CTNNA3: variants seen among roughly 807,000 people sequenced by gnomAD.
The protein encoded by CTNNA3 is catenin alpha-3.
CTNNA3 carries 76 observed loss-of-function variants against 95.7 expected under a neutral mutation model. That is an observed-to-expected ratio of 0.79 (90% CI 0.66 to 0.96). CTNNA3 has a LOEUF of 0.96. Among genes scored for constraint, CTNNA3 ranks in the 40% least tolerant of loss-of-function variants. The probability of loss-of-function intolerance (pLI) is 0.00; values close to 1 mark genes in which losing one functional copy is unlikely to be tolerated. For synonymous variants in CTNNA3, 431 were observed against 374.4 expected (o/e 1.15, Z -1.74); for missense variants, 1,191 against 1,089.8 (o/e 1.09, Z -1.31).
chr10:66,628,795 G>T (rs1180289398), intron 9 of CTNNA3, among the ~76,000 whole-genome samples: 1 of 152,076 alleles, frequency 6.6e-6, no homozygotes, highest in African/African-American at 2.4e-5. Context: ...GTAGGAGATA[G>T]CAAGAGTTGA....
At chr10:67,500,024 A>G (rs1235333112) in intron 5 of CTNNA3, among the ~76,000 whole-genome samples, 1 of 151,948 alleles carries the variant, frequency 6.6e-6, no homozygotes, top group Non-Finnish European at 1.5e-5. Flanking sequence ...TTGTGACGTT[A>G]GGGTGTCAAT....
intron 5 of CTNNA3, among the ~76,000 whole-genome samples, chr10:67,253,190 A>G (rs1866177444): frequency 6.6e-6 from 1 of 152,194 alleles, no homozygotes; most frequent in African/African-American, 2.4e-5. Context: ...CAACCTGATA[A>G]CCGAGAGGGC....
At chr10:66,437,008 T>C (rs1181275555) in intron 11 of CTNNA3, among the ~76,000 whole-genome samples, 1 of 152,164 alleles carries the variant, frequency 6.6e-6, no homozygotes, top group Non-Finnish European at 1.5e-5. Flanking sequence ...GAATGTTGAA[T>C]ATCAGCCCCC....
At chr10:67,545,668 G>A (rs1369803371) in intron 3 of CTNNA3, among the ~76,000 whole-genome samples, 3 of 152,082 alleles carry the variant, frequency 2.0e-5, no homozygotes, top group East Asian at 3.8e-4. Flanking sequence ...AGGTAGCTTC[G>A]CAAGTGTCAT....
At chr10:65,973,507 G>A (rs1000749258) in intron 16 of CTNNA3, among the ~76,000 whole-genome samples, 2 of 152,076 alleles carry the variant, frequency 1.3e-5, no homozygotes, top group Admixed American at 6.6e-5. Context: ...CAAGCAAAAA[G>A]CAATCCCATT....
At chr10:66,102,175 T>C (rs1437736102) in intron 14 of CTNNA3, among the ~76,000 whole-genome samples, 1 of 152,172 alleles carries the variant, frequency 6.6e-6, no homozygotes, top group Non-Finnish European at 1.5e-5. Context: ...GTTAGGAATT[T>C]GCTTCCATCT....
In CTNNA3 at chr10:65,920,560, G is replaced by T; in HGVS notation, c.2458C>A (p.Gln820Lys). 1.2e-6 allele frequency: 2 copies of T among 1,614,112 alleles called. No individual in the cohort carries two copies. The highest frequency in any genetic ancestry group is 2.2e-5 in the South Asian group (2 of 91,078). ...GCAATGTAAGACATTTTCACTGTTT[G>T]CACTACAGCATTCATTAAATTTTTG... ...AAKNLMNAVV[Q>K]TVKMSYIAST... Residue 820 changes from glutamine (Q) to lysine (K), a missense_variant, in exon 18 of 18, where the codon CAA becomes AAA. Physicochemically the swap from Gln to Lys is moderately conservative, Grantham distance 53. Coordinates refer to ENST00000433211, the MANE Select transcript of CTNNA3 (RefSeq NM_013266.4).
chr10:66,457,932 C>G (rs2093505556), intron 11 of CTNNA3, among the ~76,000 whole-genome samples: 1 of 152,110 alleles, frequency 6.6e-6, no homozygotes, highest in Non-Finnish European at 1.5e-5. Flanking sequence ...ATGGCAGCCT[C>G]CTTGGAAGAT....
At chr10:66,370,316 A>G (rs777219917) in intron 12 of CTNNA3, among the ~76,000 whole-genome samples, 2 of 152,194 alleles carry the variant, frequency 1.3e-5, no homozygotes, top group African/African-American at 2.4e-5. Context: ...CATACATGAA[A>G]TAGATACTTG....
rs138746326 is a variant in CTNNA3, at chr10:66,083,657, T to C, written c.1978-14168A>G. Among the ~76,000 whole-genome samples, 412 of 152,342 alleles carry C rather than the reference T, an allele frequency of 2.7e-3. 6 individuals carry two copies. Among genetic ancestry groups the C allele is most frequent in the African/African-American group, 9.6e-3 (400 of 41,586 alleles). ...GCAACTAAGGTCTGGCTTATTCTTC[T>C]ACGCTAGTTATGACCCATCCTATGT... is the stretch of plus-strand genomic sequence containing the variant. On this transcript the variant is annotated intron_variant, in intron 14 of 17. Coordinates refer to ENST00000433211, the MANE Select transcript of CTNNA3 (RefSeq NM_013266.4).
chr10:66,310,866 G>C (rs932040921), intron 12 of CTNNA3, among the ~76,000 whole-genome samples: 5 of 151,724 alleles, frequency 3.3e-5, no homozygotes, highest in African/African-American at 1.2e-4. Context: ...TGTATTTTTA[G>C]TAGAGACGGG....
chr10:67,061,264 T>C (rs919254331), intron 7 of CTNNA3, among the ~76,000 whole-genome samples: 1 of 152,142 alleles, frequency 6.6e-6, no homozygotes, highest in Non-Finnish European at 1.5e-5. Flanking sequence ...CCCCAACTAT[T>C]AGCTTATTGT....
At chr10:66,073,848 T>C (rs2080492231) in intron 14 of CTNNA3, among the ~76,000 whole-genome samples, 1 of 152,092 alleles carries the variant, frequency 6.6e-6, no homozygotes, top group African/African-American at 2.4e-5. Flanking sequence ...ACCACCATTA[T>C]ATTTGTTTGA....
intron 7 of CTNNA3, among the ~76,000 whole-genome samples, chr10:66,967,635 T>C (rs891407648): frequency 3.3e-5 from 5 of 151,892 alleles, no homozygotes; most frequent in Non-Finnish European, 5.9e-5. Context: ...TTTTCCCAGA[T>C]CAAATAAAAA....
At chr10:66,033,808 G>A (rs897679552) in intron 15 of CTNNA3, among the ~76,000 whole-genome samples, 3 of 152,018 alleles carry the variant, frequency 2.0e-5, no homozygotes, top group Admixed American at 6.6e-5. Context: ...ACCTCTACAC[G>A]TCATAGAGAG....
intron 7 of CTNNA3, among the ~76,000 whole-genome samples, chr10:66,798,973 T>C (rs79903372): frequency 0.024 from 3,649 of 151,786 alleles, 194 homozygotes; most frequent in East Asian, 0.23. Flanking sequence ...ATATGTACTG[T>C]TTCTTGGTAA....
chr10:67,124,392 G>C (rs1366736735), intron 7 of CTNNA3, among the ~76,000 whole-genome samples: 22 of 148,642 alleles, frequency 1.5e-4, no homozygotes, highest in Non-Finnish European at 1.3e-4. Flanking sequence ...AATGACTGTG[G>C]AAGGTTCTAT....
chr10:66,202,022 G>C (rs1343470513), intron 13 of CTNNA3, among the ~76,000 whole-genome samples: 3 of 151,918 alleles, frequency 2.0e-5, no homozygotes, highest in African/African-American at 7.2e-5. Flanking sequence ...CCTGACCTCA[G>C]GTGATCCAGC....
intron 5 of CTNNA3, among the ~76,000 whole-genome samples, chr10:67,317,271 T>C (rs1031630903): frequency 2.6e-5 from 4 of 152,096 alleles, no homozygotes; most frequent in African/African-American, 9.7e-5. Flanking sequence ...TGCAGGTTTG[T>C]TACATATGTA....
Sources: gnomAD v4.1 joint callset for allele counts (sites outside exome capture counted in the v4.1 genomes callset) on GRCh38, gnomAD v4.1.1 for gene constraint, MANE v1.5 for transcripts, NCBI Gene and HGNC (gene_info 2026-07-23, HGNC 2026-07-21) for gene names.